The following RIMS2 variants were observed in gnomAD, a reference collection of about 807,000 sequenced individuals.
RIMS2 encodes the protein regulating synaptic membrane exocytosis protein 2.
RIMS2 carries 59 observed loss-of-function variants against 174.4 expected under a neutral mutation model. The observed-to-expected ratio is 0.34, with a 90% CI of 0.27 to 0.42. The LOEUF (loss-of-function observed/expected upper bound fraction) is 0.42. Ranked by LOEUF, RIMS2 falls within the 10% of genes least tolerant of loss-of-function variation. The pLI, the probability that RIMS2 is intolerant of heterozygous loss-of-function variation, is 1.00. For missense variants in RIMS2, 1,620 were observed against 1,666.3 expected, an observed-to-expected ratio of 0.97 and a Z score of 0.48; for synonymous variants, 606 against 572.5, an observed-to-expected ratio of 1.06 and a Z score of -0.84.
At chr8:103,799,011 A>C (rs1188255341) in intron 3 of RIMS2, among the ~76,000 whole-genome samples, 2 of 151,968 alleles carry the variant, frequency 1.3e-5, no homozygotes, top group Non-Finnish European at 2.9e-5. Context: ...TTGAGTTTGA[A>C]GATGGGGGAA....
chr8:103,844,018 TA>T (rs891372711), intron 3 of RIMS2, among the ~76,000 whole-genome samples: 1 of 152,140 alleles, frequency 6.6e-6, no homozygotes, highest in African/African-American at 2.4e-5. Flanking sequence ...CTGGTGATTT[TA>T]AAAAGGGGAG....
intron 19 of RIMS2, among the ~76,000 whole-genome samples, chr8:104,183,514 T>C (rs536096722): frequency 1.3e-5 from 2 of 151,720 alleles, no homozygotes; most frequent in South Asian, 4.1e-4. Context: ...CAATTTTGAA[T>C]ACTAAAATAC....
At chr8:104,048,732 C>A (rs2096735544) in intron 19 of RIMS2, among the ~76,000 whole-genome samples, 1 of 151,348 alleles carries the variant, frequency 6.6e-6, no homozygotes, top group South Asian at 2.1e-4. Context: ...AAACACATTT[C>A]TTTTTTTGTA....
chr8:103,744,465 C>T (rs1188138973), intron 2 of RIMS2, among the ~76,000 whole-genome samples: 1 of 152,016 alleles, frequency 6.6e-6, no homozygotes, highest in East Asian at 1.9e-4. Flanking sequence ...AGCTGTATGG[C>T]TTTATTTTTT....
chr8:103,909,061 G>A (rs1020543299), intron 4 of RIMS2, among the ~76,000 whole-genome samples: 14 of 151,994 alleles, frequency 9.2e-5, no homozygotes, highest in Non-Finnish European at 2.1e-4. Context: ...TACTTGAGGG[G>A]TGTTTGCTGA....
At chr8:103,805,358 A>G (rs1367556566) in intron 3 of RIMS2, among the ~76,000 whole-genome samples, 2 of 150,804 alleles carry the variant, frequency 1.3e-5, no homozygotes, top group Non-Finnish European at 3.0e-5. Context: ...TTTCTTCTTT[A>G]GTAAGCTGCA....
At chr8:104,248,922 TCTCTCCCTCTA>T (rs1034829918) in intron 21 of RIMS2, 109 bp downstream of exon 27, 17 of 564,670 alleles carry the variant, frequency 3.0e-5, no homozygotes, top group Non-Finnish European at 4.5e-5. Flanking sequence ...TTTCCCTCTC[TCTCTCCCTCTA>T]TTTTTTTTTT....
At chr8:103,683,178 G>C (rs2096900366) in intron 1 of RIMS2, among the ~76,000 whole-genome samples, 1 of 152,136 alleles carries the variant, frequency 6.6e-6, no homozygotes, top group Non-Finnish European at 1.5e-5. Context: ...AGTTTATTTA[G>C]CTCATGTTTC....
chr8:104,145,804 G>A (rs983532115), intron 19 of RIMS2, among the ~76,000 whole-genome samples: 1 of 151,860 alleles, frequency 6.6e-6, no homozygotes, highest in Non-Finnish European at 1.5e-5. Context: ...AGAGATTGCG[G>A]TGAGCTAGAT....
intron 19 of RIMS2, among the ~76,000 whole-genome samples, chr8:104,040,524 T>C (rs891489356): frequency 6.6e-6 from 1 of 151,688 alleles, no homozygotes; most frequent in Non-Finnish European, 1.5e-5. Flanking sequence ...ATATCTGTTA[T>C]AGTTGATGGA....
At chr8:103,615,592 A>G (rs1458355950) in intron 1 of RIMS2, among the ~76,000 whole-genome samples, 2 of 152,150 alleles carry the variant, frequency 1.3e-5, no homozygotes, top group African/African-American at 2.4e-5. Flanking sequence ...CAAATTCAGG[A>G]GTTGATTTTT....
At chr8:104,194,872 T>G (rs750970443) in intron 19 of RIMS2, among the ~76,000 whole-genome samples, 20 of 152,144 alleles carry the variant, frequency 1.3e-4, no homozygotes, top group Non-Finnish European at 2.2e-4. Flanking sequence ...GTACCCCACC[T>G]TCACAAACAT....
chr8:103,885,299 A>G (rs2099193377), exon 4 of RIMS2: 2 of 1,559,146 alleles, frequency 1.3e-6, no homozygotes, highest in African/African-American at 2.8e-5. Context: ...GTTACTTAGG[A>G]AAAGAAGCCC....
At chr8:103,801,111 A>G (rs2098604573) in intron 3 of RIMS2, among the ~76,000 whole-genome samples, 1 of 152,068 alleles carries the variant, frequency 6.6e-6, no homozygotes, top group Admixed American at 6.6e-5. Flanking sequence ...CAGCCTCCCA[A>G]GTAGCTGGGA....
intron 19 of RIMS2, among the ~76,000 whole-genome samples, chr8:104,143,446 A>G (rs1314435735): frequency 6.6e-6 from 1 of 152,184 alleles, no homozygotes; most frequent in Non-Finnish European, 1.5e-5. Context: ...AAACCCAGAC[A>G]TTTATCCAAT....
At chr8:103,725,221 T>C (rs1280662106) in intron 2 of RIMS2, among the ~76,000 whole-genome samples, 3 of 152,164 alleles carry the variant, frequency 2.0e-5, no homozygotes, top group Non-Finnish European at 4.4e-5. Flanking sequence ...TTATTTCCTT[T>C]CTGTAAAAAA....
intron 19 of RIMS2, among the ~76,000 whole-genome samples, chr8:104,220,966 G>T (rs551491366): frequency 1.1e-4 from 17 of 152,038 alleles, no homozygotes; most frequent in Non-Finnish European, 2.2e-4. Flanking sequence ...ACCTTCCCCC[G>T]ATCTTAAGTT....
At chr8:103,738,873 G>A (rs1316524206) in intron 2 of RIMS2, among the ~76,000 whole-genome samples, 1 of 151,718 alleles carries the variant, frequency 6.6e-6, no homozygotes, top group Non-Finnish European at 1.5e-5. Context: ...AAAAAGTCAG[G>A]AAACAACAGG....
chr8:103,833,498 T>A (rs2098838686), intron 3 of RIMS2, among the ~76,000 whole-genome samples: 1 of 152,070 alleles, frequency 6.6e-6, no homozygotes, highest in Non-Finnish European at 1.5e-5. Flanking sequence ...TTTCTTTTGA[T>A]TTCTCAGTTA....
Sources: allele counts gnomAD v4.1 joint callset (sites outside exome capture counted in the v4.1 genomes callset), GRCh38; gene constraint gnomAD v4.1.1; transcripts MANE v1.5; gene names NCBI Gene and HGNC (gene_info 2026-07-23, HGNC 2026-07-21).